KCNN3: variants seen among roughly 807,000 people sequenced by gnomAD.
KCNN3 encodes the protein potassium calcium-activated channel subfamily N member 3.
A neutral mutation model predicts 62.9 loss-of-function variants in KCNN3; 16 were observed. The observed-to-expected ratio is 0.25, with a 90% CI of 0.17 to 0.39. KCNN3 has a LOEUF of 0.39. Among genes scored for constraint, KCNN3 ranks in the 10% least tolerant of loss-of-function variants. The probability of loss-of-function intolerance (pLI) is 1.00; values close to 1 mark genes in which losing one functional copy is unlikely to be tolerated. For missense variants in KCNN3, 599 were observed against 949.4 expected, an observed-to-expected ratio of 0.63 and a Z score of 4.85; for synonymous variants, 370 against 389.2, an observed-to-expected ratio of 0.95 and a Z score of 0.58.
At chr1:154,746,322 TA>T (rs1700934597) in intron 3 of KCNN3, among the ~76,000 whole-genome samples, 1 of 152,032 alleles carries the variant, frequency 6.6e-6, no homozygotes, top group African/African-American at 2.4e-5. Context: ...GAGGAGCAGG[TA>T]TGGGTTGGGA....
In KCNN3 at chr1:154,699,064, A is replaced by G. The variant is rs1213346208; in HGVS notation, c.*8912T>C. Reference sequence around the variant, plus strand: ...CTTTAACCACTCTTATTTATGCATTACCACCAAGGGAAAACAAAGTCACTG... The same window carrying G: ...CTTTAACCACTCTTATTTATGCATTGCCACCAAGGGAAAACAAAGTCACTG... On this transcript the variant is annotated 3_prime_UTR_variant, in exon 8 of 8. Transcript: ENST00000271915. The G allele has an allele frequency of 1.3e-5, 2 of 152,166 alleles. No homozygotes were observed. The highest frequency in any genetic ancestry group is 4.8e-5 in the African/African-American group (2 of 41,424). The allele number at this position is 152,166 out of a possible 1,614,324, so 9.4% of individuals were successfully genotyped here.
intron 2 of KCNN3, among the ~76,000 whole-genome samples, chr1:154,807,366 C>T (rs2256226): frequency 0.19 from 28,554 of 152,172 alleles, 4,521 homozygotes; most frequent in African/African-American, 0.44. Context: ...TCCCAAGCCA[C>T]GCAGCTCCTC....
chr1:154,729,831 T>C (rs947124180), intron 4 of KCNN3, among the ~76,000 whole-genome samples: 1 of 152,252 alleles, frequency 6.6e-6, no homozygotes, highest in Non-Finnish European at 1.5e-5. Flanking sequence ...CAATTTGTGC[T>C]ACCTTTTACT....
At chr1:154,768,002 G>A (rs1234799970) in intron 3 of KCNN3, among the ~76,000 whole-genome samples, 1 of 152,204 alleles carries the variant, frequency 6.6e-6, no homozygotes, top group Non-Finnish European at 1.5e-5. Context: ...TATACAACTA[G>A]AGATAAGTCC....
chr1:154,722,609 G>T (rs1250744575), intron 5 of KCNN3, among the ~76,000 whole-genome samples: 3 of 151,824 alleles, frequency 2.0e-5, no homozygotes, highest in African/African-American at 7.3e-5. Context: ...AGCCAGGAAG[G>T]TCTCAATCTC....
At chr1:154,782,421 G>T (rs747575819) in intron 2 of KCNN3, among the ~76,000 whole-genome samples, 9 of 152,250 alleles carry the variant, frequency 5.9e-5, no homozygotes, top group Non-Finnish European at 1.2e-4. Context: ...TCTCTTCCCG[G>T]CTTGCAGGTG....
intron 3 of KCNN3, among the ~76,000 whole-genome samples, chr1:154,751,560 A>G (rs977505747): frequency 1.3e-5 from 2 of 152,180 alleles, no homozygotes; most frequent in African/African-American, 4.8e-5. Flanking sequence ...TCACCACTGG[A>G]CACCTGGGGT....
At chr1:154,865,997 CAA>C (rs576481763) in intron 1 of KCNN3, among the ~76,000 whole-genome samples, 5 of 152,148 alleles carry the variant, frequency 3.3e-5, no homozygotes, top group South Asian at 2.1e-4. Context: ...AGCTCTCCAG[CAA>C]AAGAGTGTCA....
intron 3 of KCNN3, among the ~76,000 whole-genome samples, chr1:154,743,384 A>T (rs1700867346): frequency 6.6e-6 from 1 of 152,126 alleles, no homozygotes; most frequent in Non-Finnish European, 1.5e-5. Context: ...AAGTTCCTGT[A>T]TCCCTCAGAA....
At chr1:154,780,411 C>A (rs947293769) in intron 2 of KCNN3, among the ~76,000 whole-genome samples, 1 of 150,442 alleles carries the variant, frequency 6.6e-6, no homozygotes, top group African/African-American at 2.4e-5. Context: ...TCTTGCACAA[C>A]TGTGAATTTC....
At chr1:154,760,964 G>A (rs1647982709) in intron 3 of KCNN3, among the ~76,000 whole-genome samples, 2 of 152,252 alleles carry the variant, frequency 1.3e-5, no homozygotes, top group African/African-American at 2.4e-5. Context: ...CATTGCGCTT[G>A]TTAGAGAAAA....
Position 154,862,279 on chromosome 1 carries a change from A to T in KCNN3, c.933+6753T>A, listed in dbSNP as rs1227910731. Among the ~76,000 whole-genome samples, 1 of 152,184 alleles carries T rather than the reference A, an allele frequency of 6.6e-6. No homozygotes were observed. The highest frequency in any genetic ancestry group is 1.5e-5 in the Non-Finnish European group (1 of 68,018). Reference sequence around the variant, plus strand: ...TTTCTCATCCCTGAGATAGTTGGTCATCATGAGCCCTGGGCCAGCCACCGT... The same window carrying T: ...TTTCTCATCCCTGAGATAGTTGGTCTTCATGAGCCCTGGGCCAGCCACCGT... On this transcript the variant is annotated intron_variant, in intron 1 of 7. Transcript: ENST00000271915. The surrounding 1 kb of genome is among the most constrained non-coding windows in gnomAD (Gnocchi z 4.1).
At chr1:154,850,039 T>C (rs1283709466) in intron 1 of KCNN3, among the ~76,000 whole-genome samples, 2 of 152,292 alleles carry the variant, frequency 1.3e-5, no homozygotes, top group East Asian at 1.9e-4. Flanking sequence ...CTCACTCCCA[T>C]TCTGGCAGGC....
intron 2 of KCNN3, among the ~76,000 whole-genome samples, chr1:154,810,461 G>C (rs1217072531): frequency 6.8e-6 from 1 of 147,712 alleles, no homozygotes; most frequent in Non-Finnish European, 1.5e-5. Flanking sequence ...CCTTCCTTGG[G>C]ATCAGAAGGC....
At chr1:154,812,129 G>A (rs917477221) in intron 2 of KCNN3, among the ~76,000 whole-genome samples, 1 of 152,210 alleles carries the variant, frequency 6.6e-6, no homozygotes, top group African/African-American at 2.4e-5. Context: ...ACCCCTGATT[G>A]AGAACCGCTG....
chr1:154,808,442 C>T (rs1319595391), intron 2 of KCNN3, among the ~76,000 whole-genome samples: 1 of 152,184 alleles, frequency 6.6e-6, no homozygotes, highest in African/African-American at 2.4e-5. Context: ...TGCACAGCAG[C>T]GTCCTCATTC....
chr1:154,764,390 C>G (rs897914776), intron 3 of KCNN3, among the ~76,000 whole-genome samples: 1 of 152,244 alleles, frequency 6.6e-6, no homozygotes, highest in Non-Finnish European at 1.5e-5. Flanking sequence ...TGGCCTGAGG[C>G]ACATCGCTCA....
chr1:154,790,966 C>T (rs769003060), intron 2 of KCNN3, among the ~76,000 whole-genome samples: 7 of 152,090 alleles, frequency 4.6e-5, no homozygotes, highest in South Asian at 2.1e-4. Context: ...TGGTGGCTCA[C>T]GCCTGTAATC....
intron 2 of KCNN3, among the ~76,000 whole-genome samples, chr1:154,804,032 C>T (rs1353529122): frequency 6.6e-6 from 1 of 152,210 alleles, no homozygotes; most frequent in Non-Finnish European, 1.5e-5. Context: ...GCTGTCATTG[C>T]TCCCTTGTTG....
Sources: gnomAD v4.1 joint callset for allele counts (sites outside exome capture counted in the v4.1 genomes callset) on GRCh38, gnomAD v4.1.1 for gene constraint, Gnocchi (gnomAD v3.1) non-coding constraint, MANE v1.5 for transcripts, NCBI Gene and HGNC (gene_info 2026-07-23, HGNC 2026-07-21) for gene names.